Variants in EFCAB8 observed in about 807,000 individuals in gnomAD.
EFCAB8 encodes EF-hand calcium-binding domain-containing protein 8.
In EFCAB8, 100 loss-of-function variants were observed where a neutral mutation model predicts 116.3. The observed-to-expected ratio is 0.86, with a 90% CI of 0.73 to 1.02. EFCAB8 has a LOEUF of 1.02. EFCAB8 is among the 50% of genes least tolerant of loss of function. The pLI is 0.00. For missense variants in EFCAB8, 1,320 were observed against 1,416.9 expected, an observed-to-expected ratio of 0.93 and a Z score of 1.10; for synonymous variants, 558 against 567.9, an observed-to-expected ratio of 0.98 and a Z score of 0.25.
intron 3 of EFCAB8, among the ~76,000 whole-genome samples, chr20:32,869,626 G>A (rs190471563): frequency 1.9e-4 from 29 of 152,298 alleles, no homozygotes; most frequent in African/African-American, 6.3e-4. Flanking sequence ...TTGGTTAGAA[G>A]CAAGTCACAG....
chr20:32,860,144 C>G (rs1984028147), intron 1 of EFCAB8, among the ~76,000 whole-genome samples: 1 of 152,126 alleles, frequency 6.6e-6, no homozygotes, highest in South Asian at 2.1e-4. Flanking sequence ...CCTGTTTCTA[C>G]TAAAAATACG....
intron 9 of EFCAB8, among the ~76,000 whole-genome samples, chr20:32,894,232 CAG>C (rs1379707040): frequency 2.6e-5 from 4 of 152,236 alleles, no homozygotes; most frequent in Admixed American, 6.5e-5. Flanking sequence ...CTCTTCCAGC[CAG>C]AGTTACTAAG....
chr20:32,961,034 GAAGACCTCAGGGCGCCTCCTTCCTGT>G (rs1342150901), intron 26 of EFCAB8, 76 bp from the exon 27 acceptor site: 3 of 1,010,658 alleles, frequency 3.0e-6, no homozygotes, highest in Non-Finnish European at 4.5e-6. Context: ...CTTGGCATGG[GAAGACCTCAGGGCGCCTCCTTCCTGT>G]GAGTCTACTC....
intron 20 of EFCAB8, 61 bp downstream of exon 20, chr20:32,920,276 T>C: frequency 6.5e-7 from 1 of 1,535,110 alleles, no homozygotes; most frequent in Non-Finnish European, 8.8e-7. Context: ...CAGGATTGGG[T>C]GGTCAGGATG....
intron 1 of EFCAB8, among the ~76,000 whole-genome samples, chr20:32,860,381 T>A (rs959867867): frequency 1.3e-5 from 2 of 152,100 alleles, no homozygotes; most frequent in African/African-American, 4.8e-5. Context: ...TATGATTAGA[T>A]TCAGATCATG....
intron 3 of EFCAB8, among the ~76,000 whole-genome samples, chr20:32,873,099 GCAAAA>G (rs1169841811): frequency 6.6e-6 from 1 of 151,828 alleles, no homozygotes; most frequent in Non-Finnish European, 1.5e-5. Flanking sequence ...ATCTCAAAGA[GCAAAA>G]CAAAACAAAA....
intron 6 of EFCAB8, among the ~76,000 whole-genome samples, chr20:32,888,070 CT>C (rs370686940): frequency 4.5e-4 from 66 of 146,848 alleles, no homozygotes; most frequent in African/African-American, 1.0e-3. Flanking sequence ...CCTTTTCTTT[CT>C]TTTTTTTTTT....
chr20:32,960,115 C>T lies in EFCAB8; in HGVS notation c.3347C>T (p.Thr1116Ile). ...AAGCCCAAGGAACGCTTGCAGAATA[C>T]CAGGTTCCTGTCCACCAGGGTGCCA... ...AYKPKERLQN[T>I]RFLSTRVPYG... The change falls in exon 26 of 27, where the codon ACC (threonine) becomes ATC (isoleucine). Residue 1116 changes from threonine to isoleucine, a missense_variant. By Grantham distance (89) the Thr-to-Ile change is moderately conservative (BLOSUM62 -1). Coordinates refer to ENST00000400522, the MANE Select transcript of EFCAB8 (RefSeq NM_001143967.2). The T allele has an allele frequency of 6.4e-7, 1 of 1,551,718 alleles. No homozygotes were observed. The highest frequency in any genetic ancestry group is 1.2e-5 in the South Asian group (1 of 84,064).
In EFCAB8 at chr20:32,930,618, T is replaced by C. The variant is rs1373596746; in HGVS notation, c.2631+2T>C. ...GGGGATTGTAAAGGATACATCAAGG[T>C]GAGGAAGAACTGGCAGGAAGATTGA... On this transcript the variant is annotated splice_donor_variant, in intron 21 of 26. Transcript: ENST00000400522. LOFTEE classifies it high-confidence loss of function. 4 of 1,552,024 alleles carry C rather than the reference T, an allele frequency of 2.6e-6. No individual in the cohort carries two copies. The East Asian group carries it at 7.3e-5, about 28-fold the overall frequency.
At chr20:32,918,325 T>C in intron 18 of EFCAB8, 37 bp from the exon 19 acceptor site, 1 of 1,545,930 alleles carries the variant, frequency 6.5e-7, no homozygotes, top group East Asian at 2.4e-5. Flanking sequence ...CTCTACGACA[T>C]TGCAGTGCCT....
intron 2 of EFCAB8, 146 bp downstream of exon 2, chr20:32,863,980 G>GT: frequency 1.1e-6 from 1 of 907,404 alleles, no homozygotes; most frequent in Non-Finnish European, 1.6e-6. Context: ...TAACTTAAGT[G>GT]TATTTTTTTT....
intron 1 of EFCAB8, among the ~76,000 whole-genome samples, chr20:32,859,660 G>T (rs1467916612): frequency 6.6e-6 from 1 of 152,172 alleles, no homozygotes; most frequent in Non-Finnish European, 1.5e-5. Context: ...TAGACTAATT[G>T]TGAACATTTT....
intron 5 of EFCAB8, among the ~76,000 whole-genome samples, chr20:32,884,437 G>T (rs1406005199): frequency 1.3e-5 from 2 of 152,212 alleles, no homozygotes; most frequent in Non-Finnish European, 2.9e-5. Flanking sequence ...GACAGAAGTG[G>T]CAGGGTTGGA....
At position 32,918,408 on chromosome 20, in the gene EFCAB8, G is replaced by C. The variant is rs1987289745; in HGVS notation, c.2108G>C (p.Arg703Thr). The C allele has an allele frequency of 2.6e-6, 4 of 1,551,714 alleles. No homozygotes were observed. The highest frequency in any genetic ancestry group is 2.0e-5 in the Admixed American group (1 of 51,006). The change falls in exon 19 of 27, where the codon AGA becomes ACA. Residue 703 changes from arginine (R) to threonine (T), a missense_variant. By Grantham distance (71) the Arg-to-Thr change is moderately conservative. Transcript: ENST00000400522. ...NCLAESHRPS[R>T]PYVEREKWTY... ...CTGGCTGAGAGCCACAGGCCCAGCA[G>C]ACCCTATGTGGAGCGGGAGAAGTGG...
At position 32,943,711 on chromosome 20, in the gene EFCAB8, G is replaced by A. The variant is rs1472387898; in HGVS notation, c.2866G>A (p.Ala956Thr). 2.4e-6 allele frequency: 1 copy of A among 416,980 alleles called. No individual in the cohort carries two copies. The highest frequency in any genetic ancestry group is 4.4e-6 in the Non-Finnish European group (1 of 226,480). The allele number at this position is 416,980 out of a possible 1,614,324, so 25.8% of individuals were successfully genotyped here. The change falls in exon 23 of 27, where the codon GCA becomes ACA. Residue 956 changes from alanine (A) to threonine (T), a missense_variant. By Grantham distance (58) the Ala-to-Thr change is moderately conservative. Coordinates refer to ENST00000400522, the MANE Select transcript of EFCAB8 (RefSeq NM_001143967.2). ...CTGGAAAGGCCATTTGAATAGTGTG[G>A]CAGACATCCTGTATGTGGACAACTT... ...MTWKGHLNSVADILYVDNFQL... is the reference protein window; with the variant it reads ...MTWKGHLNSVTDILYVDNFQL...
At chr20:32,949,022 G>T (rs1237561616) in intron 23 of EFCAB8, among the ~76,000 whole-genome samples, 1 of 152,118 alleles carries the variant, frequency 6.6e-6, no homozygotes, top group African/African-American at 2.4e-5. Context: ...ATTCAGATTG[G>T]AAAGGAAGAA....
intron 2 of EFCAB8, among the ~76,000 whole-genome samples, chr20:32,867,093 T>C (rs1984461402): frequency 6.6e-6 from 1 of 152,140 alleles, no homozygotes. Flanking sequence ...AATGTTTTTG[T>C]ATTTTTAGTA....
Position 32,961,378 on chromosome 20 carries a change from G to T in EFCAB8, c.3636G>T (p.Leu1212=). 6.8e-7 allele frequency: 1 copy of T among 1,460,926 alleles called. No individual in the cohort carries two copies. 90.5% of individuals were successfully genotyped at this position (1,460,926 alleles called of 1,614,324 possible). ...CTGTCACTGCCTCAGCCTCCAGGCT[G>T]CTGGACTCCAGCTTGCCCACCTTCC... is the stretch of plus-strand genomic sequence containing the variant. ...LLSVTASASR[L]LDSSLPTFLT... The change falls in exon 27 of 27, where the codon CTG becomes CTT. Residue 1212 remains leucine, a synonymous_variant. Coordinates refer to ENST00000400522, the MANE Select transcript of EFCAB8 (RefSeq NM_001143967.2).
chr20:32,930,723 G>T lies in EFCAB8; in HGVS notation c.2631+107G>T, dbSNP rs1486677657. 7 of 1,093,762 alleles carry T rather than the reference G, an allele frequency of 6.4e-6. No homozygotes were observed. In the East Asian group the frequency reaches 1.8e-4, roughly 28 times the overall value. 67.8% of individuals were successfully genotyped at this position (1,093,762 alleles called of 1,614,324 possible). A position where few individuals can be genotyped will look rare whatever the true frequency, so the allele number is the denominator to read the frequency against. On this transcript the variant is annotated intron_variant, in intron 21 of 26. Transcript: ENST00000400522. ...TAGTTCCTACTCTGTCTGGGTACTG[G>T]TTCCATTTGTGAAACAATGCAGCGA...
Sources: allele counts gnomAD v4.1 joint callset (sites outside exome capture counted in the v4.1 genomes callset), GRCh38; gene constraint gnomAD v4.1.1; transcripts MANE v1.5; gene names NCBI Gene and HGNC (gene_info 2026-07-23, HGNC 2026-07-21).